Variants in STK39 observed in about 807,000 individuals in gnomAD.
The protein encoded by STK39 is serine/threonine kinase 39, also known as STE20/SPS1-related proline-alanine-rich protein kinase.
In STK39, 20 loss-of-function variants were observed where a neutral mutation model predicts 77.8. The observed-to-expected ratio is 0.26, with a 90% CI of 0.18 to 0.37. STK39 has a LOEUF of 0.37. Among genes scored for constraint, STK39 ranks in the 10% least tolerant of loss-of-function variants. The pLI is 1.00. For synonymous variants in STK39, 246 were observed against 234.1 expected (o/e 1.05, Z -0.47); for missense variants, 479 against 656.5 (o/e 0.73, Z 2.95).
At chr2:168,141,535 G>A (rs901973696) in intron 5 of STK39, among the ~76,000 whole-genome samples, 1 of 152,174 alleles carries the variant, frequency 6.6e-6, no homozygotes, top group African/African-American at 2.4e-5. Flanking sequence ...GGGAATGCCT[G>A]GCAATTATTA....
At chr2:168,004,934 C>G (rs917383446) in intron 16 of STK39, among the ~76,000 whole-genome samples, 1 of 150,812 alleles carries the variant, frequency 6.6e-6, no homozygotes, top group African/African-American at 2.4e-5. Context: ...CATCTCACAG[C>G]TCATACTTTG....
chr2:168,162,895 C>T (rs1032935261), intron 4 of STK39, among the ~76,000 whole-genome samples: 10 of 151,626 alleles, frequency 6.6e-5, no homozygotes, highest in Admixed American at 2.0e-4. Context: ...GGCATGGTGC[C>T]GCATGCCTGT....
chr2:168,215,848 C>T (rs1690011828), intron 1 of STK39, among the ~76,000 whole-genome samples: 1 of 152,038 alleles, frequency 6.6e-6, no homozygotes, highest in Non-Finnish European at 1.5e-5. Context: ...AGGTCATCAC[C>T]ATGGACCATG....
intron 12 of STK39, among the ~76,000 whole-genome samples, chr2:168,072,033 TTAAA>T (rs149453983): frequency 0.011 from 1,632 of 152,240 alleles, 35 homozygotes; most frequent in African/African-American, 0.037. Context: ...AAGGAAATGG[TTAAA>T]TAAACAATTT....
rs775885564 is a variant in STK39 at position 168,247,350 on chromosome 2, GCCGGGGCCGCCGCCGCCGCCGCTGTCA to G, written c.59_85del (p.Val20_Pro28del). 8.5e-5 allele frequency: 89 copies of G among 1,051,558 alleles called. No individual in the cohort carries two copies. The highest frequency in any genetic ancestry group is 4.4e-4 in the Middle Eastern group (1 of 2,252). 65.1% of individuals were successfully genotyped at this position (1,051,558 alleles called of 1,614,324 possible). On this transcript the variant is annotated inframe_deletion, in exon 1 of 18. Coordinates refer to ENST00000355999, the MANE Select transcript of STK39 (RefSeq NM_013233.3). Reference sequence around the variant, plus strand: ...CGGGGCCGGCGCTGCTGTCGCGGCCGCCGGGGCCGCCGCCGCCGCCGCTGTCACCGGGGCCGCCTGCTGGGGAAGCTG... The same window carrying G: ...CGGGGCCGGCGCTGCTGTCGCGGCCGCCGGGGCCGCCTGCTGGGGAAGCTG...
chr2:168,157,032 A>T (rs907619231), intron 5 of STK39, among the ~76,000 whole-genome samples: 4 of 152,214 alleles, frequency 2.6e-5, no homozygotes, highest in African/African-American at 9.6e-5. Context: ...ATGGGTGTAA[A>T]AACTCAACCA....
intron 7 of STK39, among the ~76,000 whole-genome samples, 157 bp from the exon 8 acceptor site, chr2:168,138,378 C>A (rs1240680052): frequency 6.6e-6 from 1 of 152,226 alleles, no homozygotes; most frequent in African/African-American, 2.4e-5. Flanking sequence ...TTAAAGTATT[C>A]ATTACCACTG....
chr2:168,033,469 T>C (rs1024115313), intron 14 of STK39, among the ~76,000 whole-genome samples: 3 of 152,194 alleles, frequency 2.0e-5, no homozygotes, highest in Admixed American at 2.0e-4. Flanking sequence ...ACTCAATATA[T>C]AGAAGCTGTG....
intron 16 of STK39, among the ~76,000 whole-genome samples, chr2:167,976,188 A>G (rs1319176992): frequency 6.6e-6 from 1 of 152,248 alleles, no homozygotes. Flanking sequence ...TGCAAATAAC[A>G]AAAGAAGTGA....
chr2:167,977,665 A>C (rs1000746416), intron 16 of STK39, among the ~76,000 whole-genome samples: 1 of 151,778 alleles, frequency 6.6e-6, no homozygotes, highest in Non-Finnish European at 1.5e-5. Context: ...AGGATTCTAT[A>C]GGTGTCTTAA....
rs1482860175 is a variant in STK39 at position 168,077,883 on chromosome 2, AC to A, written c.1090-2653del. Among the ~76,000 whole-genome samples, 5 of 148,322 alleles carry A rather than the reference AC, an allele frequency of 3.4e-5. No individual in the cohort carries two copies. In the East Asian group the frequency reaches 9.8e-4, roughly 29 times the overall value. ...TGGTCTTATTCGGGAATTGAATAAT[AC>A]CTTGCAAAGTTAAAACTTCAAAAAA... On this transcript the variant is annotated intron_variant, in intron 10 of 17. Coordinates refer to ENST00000355999, the MANE Select transcript of STK39 (RefSeq NM_013233.3).
intron 5 of STK39, among the ~76,000 whole-genome samples, chr2:168,142,714 A>G (rs1290655247): frequency 6.6e-6 from 1 of 152,208 alleles, no homozygotes; most frequent in Non-Finnish European, 1.5e-5. Context: ...CACTTTGAAC[A>G]CTCACTTTAA....
intron 1 of STK39, among the ~76,000 whole-genome samples, chr2:168,185,363 A>G (rs1445643400): frequency 6.6e-6 from 1 of 152,054 alleles, no homozygotes; most frequent in Non-Finnish European, 1.5e-5. Context: ...ACTCTATCTC[A>G]ATTCACTTTT....
intron 14 of STK39, among the ~76,000 whole-genome samples, chr2:168,030,738 C>T (rs538546893): frequency 6.6e-6 from 1 of 152,336 alleles, no homozygotes; most frequent in East Asian, 1.9e-4. Flanking sequence ...CTGTAAGTAA[C>T]TGCATTTACA....
intron 1 of STK39, among the ~76,000 whole-genome samples, chr2:168,214,108 A>G (rs1377084810): frequency 1.3e-5 from 2 of 152,130 alleles, no homozygotes; most frequent in African/African-American, 4.8e-5. Context: ...GCCCACCTCC[A>G]CATCCTAAGC....
At chr2:168,061,929 G>A (rs1239253526) in intron 14 of STK39, among the ~76,000 whole-genome samples, 1 of 152,112 alleles carries the variant, frequency 6.6e-6, no homozygotes, top group Non-Finnish European at 1.5e-5. Flanking sequence ...TGCACTAAGG[G>A]GGAGAATTAC....
At chr2:168,041,405 C>T (rs949248235) in intron 14 of STK39, among the ~76,000 whole-genome samples, 1 of 151,990 alleles carries the variant, frequency 6.6e-6, no homozygotes, top group African/African-American at 2.4e-5. Context: ...TATCACTTCT[C>T]CTATACTGTA....
At chr2:168,066,913 A>G (rs1282597738) in intron 12 of STK39, among the ~76,000 whole-genome samples, 3 of 152,226 alleles carry the variant, frequency 2.0e-5, no homozygotes, top group Non-Finnish European at 4.4e-5. Flanking sequence ...TTCCCACCCA[A>G]ATCTCATGTT....
At chr2:167,992,029 CG>C (rs767049681) in intron 16 of STK39, among the ~76,000 whole-genome samples, 143 of 152,228 alleles carry the variant, frequency 9.4e-4, no homozygotes, top group Admixed American at 2.4e-3. Context: ...TCTAGGTCTG[CG>C]GAGATGACGT....
Sources: gnomAD v4.1 joint callset for allele counts (sites outside exome capture counted in the v4.1 genomes callset) on GRCh38, gnomAD v4.1.1 for gene constraint, MANE v1.5 for transcripts, NCBI Gene and HGNC (gene_info 2026-07-23, HGNC 2026-07-21) for gene names.